PLCB1: variants seen among roughly 807,000 people sequenced by gnomAD.
PLCB1 encodes phospholipase C beta 1.
A neutral mutation model predicts 161.8 loss-of-function variants in PLCB1; 46 were observed. The ratio of observed to expected loss-of-function variants is 0.28; its 90% confidence interval spans 0.22 to 0.36. The LOEUF (loss-of-function observed/expected upper bound fraction) is 0.36. Among genes scored for constraint, PLCB1 ranks in the 10% least tolerant of loss-of-function variants. PLCB1 has a pLI of 1.00. For synonymous variants in PLCB1, 517 were observed against 503.7 expected, an observed-to-expected ratio of 1.03 and a Z score of -0.35; for missense variants, 1,016 against 1,472.5, an observed-to-expected ratio of 0.69 and a Z score of 5.07.
intron 27 of PLCB1, among the ~76,000 whole-genome samples, chr20:8,784,221 T>C (rs1229436131): frequency 1.3e-5 from 2 of 152,090 alleles, no homozygotes; most frequent in African/African-American, 2.4e-5. Flanking sequence ...TAAATAAAAA[T>C]AGTAAATGCC....
At chr20:8,589,208 C>CTCCT (rs1214655928) in intron 3 of PLCB1, among the ~76,000 whole-genome samples, 2 of 42,262 alleles carry the variant, frequency 4.7e-5, no homozygotes, top group Non-Finnish European at 5.3e-5. Context: ...TTGAAACTCA[C>CTCCT]TCCTTCATTC....
At chr20:8,600,753 C>T (rs1425692051) in intron 3 of PLCB1, 125 of 151,902 alleles carry the variant, frequency 8.2e-4, no homozygotes, top group Middle Eastern at 3.4e-3. Flanking sequence ...ACCAGCGAGA[C>T]TCCGTGGGCG....
At chr20:8,738,418 G>A (rs149936869) in intron 20 of PLCB1, among the ~76,000 whole-genome samples, 10,453 of 152,094 alleles carry the variant, frequency 0.069, 390 homozygotes, top group Middle Eastern at 0.092. Flanking sequence ...GTTTTGATTT[G>A]CATTTCTCTG....
chr20:8,651,583 C>G (rs1989323231), intron 7 of PLCB1: 4 of 697,296 alleles, frequency 5.7e-6, no homozygotes, highest in Non-Finnish European at 1.1e-5. Flanking sequence ...GGTCCTGTCC[C>G]CGACTTCAAC....
chr20:8,558,467 A>G (rs924965753), intron 3 of PLCB1, among the ~76,000 whole-genome samples: 2 of 151,904 alleles, frequency 1.3e-5, no homozygotes, highest in Non-Finnish European at 2.9e-5. Context: ...AAGCATAACA[A>G]TGTAAGGGGA....
intron 24 of PLCB1, among the ~76,000 whole-genome samples, chr20:8,758,309 G>A (rs560522902): frequency 1.3e-5 from 2 of 152,004 alleles, no homozygotes; most frequent in African/African-American, 4.8e-5. Flanking sequence ...GGCCAGGCAT[G>A]GTGGCTCATG....
chr20:8,774,428 A>G, intron 26 of PLCB1, 111 bp from the exon 27 acceptor site: 1 of 1,088,010 alleles, frequency 9.2e-7, no homozygotes, highest in Non-Finnish European at 1.3e-6. Flanking sequence ...GCTTATGAAA[A>G]TATGTATTTC....
chr20:8,696,399 T>C lies in PLCB1; in HGVS notation c.1010-1227T>C, dbSNP rs139014747. Among the ~76,000 whole-genome samples the C allele has an allele frequency of 5.4e-3, 821 of 152,356 alleles. 11 individuals are homozygous for C. The highest frequency in any genetic ancestry group is 0.019 in the African/African-American group (784 of 41,594). ...GCCAGTACCACATGGTCTTGATTAC[T>C]GTAGCTTTGTTTTAAGTTTTGAGAA... On this transcript the variant is annotated intron_variant, in intron 10 of 31. Transcript: ENST00000338037.
intron 2 of PLCB1, among the ~76,000 whole-genome samples, chr20:8,229,375 T>G (rs1163135768): frequency 6.6e-6 from 1 of 152,176 alleles, no homozygotes; most frequent in Non-Finnish European, 1.5e-5. Context: ...ACTCTCAGTT[T>G]CTGTACTTAT....
At chr20:8,862,816 G>A (rs760053584) in intron 31 of PLCB1, among the ~76,000 whole-genome samples, 2 of 152,240 alleles carry the variant, frequency 1.3e-5, no homozygotes, top group East Asian at 3.9e-4. Context: ...CTTCATTTGG[G>A]TTCCCCCAGA....
chr20:8,747,152 T>C (rs1459379380), intron 23 of PLCB1, among the ~76,000 whole-genome samples: 1 of 152,210 alleles, frequency 6.6e-6, no homozygotes, highest in Non-Finnish European at 1.5e-5. Flanking sequence ...AGTAACATCT[T>C]TTGATTGAAT....
At chr20:8,738,542 T>TATA (rs915416463) in intron 20 of PLCB1, among the ~76,000 whole-genome samples, 2 of 151,588 alleles carry the variant, frequency 1.3e-5, no homozygotes, top group African/African-American at 4.9e-5. Context: ...AACTTAAAAG[T>TATA]ATAATAATAA....
In PLCB1 at chr20:8,717,169, A is replaced by G. The variant is rs141267624; in HGVS notation, c.1336-502A>G. On this transcript the variant is annotated intron_variant, in intron 13 of 31. Transcript: ENST00000338037. ...GAAGCCACCTCATCCACTTCTGTTG[A>G]TGCCAGGGACGTGCAGCTAAACTAC... Among the ~76,000 whole-genome samples, 415 of 152,286 alleles carry G rather than the reference A, an allele frequency of 2.7e-3. 2 individuals are homozygous for G. Among genetic ancestry groups the G allele is most frequent in the African/African-American group, 9.3e-3 (387 of 41,548 alleles).
At chr20:8,321,816 G>C (rs904787458) in intron 2 of PLCB1, among the ~76,000 whole-genome samples, 4 of 152,086 alleles carry the variant, frequency 2.6e-5, no homozygotes, top group African/African-American at 9.7e-5. Flanking sequence ...GGTCATCATA[G>C]CCGACATGTC....
At chr20:8,693,474 G>T (rs1361956346) in intron 10 of PLCB1, among the ~76,000 whole-genome samples, 1 of 152,170 alleles carries the variant, frequency 6.6e-6, no homozygotes, top group African/African-American at 2.4e-5. Flanking sequence ...ATTTTGGACA[G>T]TTTCCTCAGG....
At chr20:8,194,062 A>G (rs76242431) in intron 2 of PLCB1, among the ~76,000 whole-genome samples, 2,257 of 152,168 alleles carry the variant, frequency 0.015, 68 homozygotes, top group African/African-American at 0.052. Flanking sequence ...TGGTGCCAAC[A>G]TACTGGCTGC....
chr20:8,350,895 A>G (rs1986157965), intron 2 of PLCB1, among the ~76,000 whole-genome samples: 1 of 152,208 alleles, frequency 6.6e-6, no homozygotes, highest in Non-Finnish European at 1.5e-5. Context: ...TCATGGATGG[A>G]AAGATTTAAC....
chr20:8,560,156 G>T (rs970987628), intron 3 of PLCB1, among the ~76,000 whole-genome samples: 8 of 152,106 alleles, frequency 5.3e-5, no homozygotes, highest in African/African-American at 1.9e-4. Context: ...CAGTAGGCCT[G>T]GAGTGAGGCC....
rs536914386 is a variant in PLCB1, at chr20:8,162,300, C to T, written c.177+11929C>T. On this transcript the variant is annotated intron_variant, in intron 2 of 31. Transcript: ENST00000338037. Reference sequence around the variant, plus strand: ...TCCATACTTAATTAAATTAGCTGCACCCTTGAATGAGTGAATGTGGTTTTA... The same window carrying T: ...TCCATACTTAATTAAATTAGCTGCATCCTTGAATGAGTGAATGTGGTTTTA... Among the ~76,000 whole-genome samples, 12 of 152,172 alleles carry T rather than the reference C, an allele frequency of 7.9e-5. No individual in the cohort carries two copies. The South Asian group carries it at 2.5e-3, about 32-fold the overall frequency.
Sources: allele counts gnomAD v4.1 joint callset (sites outside exome capture counted in the v4.1 genomes callset), GRCh38; gene constraint gnomAD v4.1.1; transcripts MANE v1.5; gene names NCBI Gene and HGNC (gene_info 2026-07-23, HGNC 2026-07-21).